The following RFX6 variants were observed in gnomAD, a reference collection of about 807,000 sequenced individuals.
The protein encoded by RFX6 is regulatory factor X6, also known as DNA-binding protein RFX6.
Under a neutral mutation model 110.8 loss-of-function variants are expected in RFX6, and 50 were observed. The observed-to-expected ratio is 0.45, with a 90% CI of 0.36 to 0.57. The LOEUF (loss-of-function observed/expected upper bound fraction) is 0.57. RFX6 is among the 20% of genes least tolerant of loss of function. RFX6 has a pLI of 0.00. For synonymous variants in RFX6, 383 were observed against 411.2 expected (o/e 0.93, Z 0.83); for missense variants, 990 against 1,127.0 (o/e 0.88, Z 1.74).
At chr6:116,906,587 A>G (rs1446001221) in intron 6 of RFX6, among the ~76,000 whole-genome samples, 1 of 151,950 alleles carries the variant, frequency 6.6e-6, no homozygotes. Context: ...CCTTGGTTAA[A>G]TTAGTTTTTA....
At chr6:116,915,814 T>A (rs987203465) in intron 7 of RFX6, among the ~76,000 whole-genome samples, 194 bp from the exon 8 acceptor site, 1 of 152,114 alleles carries the variant, frequency 6.6e-6, no homozygotes, top group Non-Finnish European at 1.5e-5. Context: ...AGTTGTCCAT[T>A]TGTTTGCTTT....
chr6:116,929,639 G>C (rs960981774), intron 18 of RFX6, among the ~76,000 whole-genome samples: 1 of 152,074 alleles, frequency 6.6e-6, no homozygotes, highest in South Asian at 2.1e-4. Flanking sequence ...TAATTAGTAT[G>C]TTATTAGTAA....
intron 7 of RFX6, among the ~76,000 whole-genome samples, chr6:116,912,369 A>T (rs1305037697): frequency 1.3e-5 from 2 of 151,964 alleles, no homozygotes; most frequent in Non-Finnish European, 2.9e-5. Context: ...ATATACCCTT[A>T]AAAAAAAGAA....
At chr6:116,904,442 T>C (rs953996362) in intron 6 of RFX6, among the ~76,000 whole-genome samples, 1 of 152,144 alleles carries the variant, frequency 6.6e-6, no homozygotes, top group Admixed American at 6.6e-5. Flanking sequence ...ATAAATTACT[T>C]TGAAAGCATA....
chr6:116,927,743 C>CTTTTTTTT (rs60638457), intron 17 of RFX6, among the ~76,000 whole-genome samples: 8 of 119,520 alleles, frequency 6.7e-5, no homozygotes, highest in East Asian at 2.4e-4. Flanking sequence ...GCCCTTCTTC[C>CTTTTTTTT]TTTTTTTTTT....
At chr6:116,920,927 T>A (rs1775581613) in intron 12 of RFX6, among the ~76,000 whole-genome samples, 1 of 152,188 alleles carries the variant, frequency 6.6e-6, no homozygotes, top group South Asian at 2.1e-4. Flanking sequence ...TGTTTTATAG[T>A]CTTGTCATCC....
intron 4 of RFX6, among the ~76,000 whole-genome samples, chr6:116,887,763 C>T (rs339329): frequency 0.88 from 134,359 of 152,244 alleles, 59,488 homozygotes; most frequent in South Asian, 0.97. Flanking sequence ...ACTTTCGCTA[C>T]TCATCTTAAT....
intron 17 of RFX6, among the ~76,000 whole-genome samples, chr6:116,927,765 G>A (rs541243508): frequency 2.2e-4 from 17 of 77,374 alleles, no homozygotes; most frequent in Admixed American, 4.1e-4. Context: ...TTTTTTTTGA[G>A]ACAAGGTCTT....
At chr6:116,910,892 T>C in intron 6 of RFX6, 43 bp from the exon 7 acceptor site, 1 of 1,229,602 alleles carries the variant, frequency 8.1e-7, no homozygotes, top group Non-Finnish European at 1.2e-6. Flanking sequence ...TGGAAGCATA[T>C]AGTTGATAAT....
At chr6:116,904,632 G>C (rs1486590340) in intron 6 of RFX6, among the ~76,000 whole-genome samples, 5 of 151,968 alleles carry the variant, frequency 3.3e-5, no homozygotes, top group Non-Finnish European at 7.4e-5. Flanking sequence ...CTTTCATCTT[G>C]CAAGACTGAA....
rs368566216 is a variant in RFX6 at position 116,893,990 on chromosome 6, T to C, written c.570T>C (p.Tyr190=). 4 of 1,581,076 alleles carry C rather than the reference T, an allele frequency of 2.5e-6. No homozygotes were observed. Among genetic ancestry groups the C allele is most frequent in the Non-Finnish European group, 3.5e-6 (4 of 1,150,104 alleles). The change falls in exon 5 of 19, where the codon TAT becomes TAC. Residue 190 remains tyrosine, a synonymous_variant. Transcript: ENST00000332958. ...RRLGTRGHSK[Y]HYYGIGIKES... ...CTGGTTCCTGTCTTTGCTCTAGGTA[T>C]CATTACTATGGGATTGGCATCAAAG...
chr6:116,889,884 T>C (rs888250038), intron 4 of RFX6, among the ~76,000 whole-genome samples: 7 of 152,168 alleles, frequency 4.6e-5, no homozygotes, highest in Admixed American at 2.0e-4. Flanking sequence ...TATTCATTCA[T>C]TTATCTAATA....
chr6:116,899,343 C>T (rs1416452420), intron 6 of RFX6, among the ~76,000 whole-genome samples: 2 of 151,858 alleles, frequency 1.3e-5, no homozygotes, highest in African/African-American at 4.8e-5. Flanking sequence ...GAATATGTTA[C>T]GAGCTTAATC....
chr6:116,882,157 C>T (rs1774603283), intron 3 of RFX6, among the ~76,000 whole-genome samples: 1 of 152,078 alleles, frequency 6.6e-6, no homozygotes, highest in East Asian at 1.9e-4. Context: ...AAGACAAGGT[C>T]AGTAGAGCAC....
chr6:116,920,363 T>C lies in RFX6; in HGVS notation c.1236T>C (p.Asp412=). The change falls in exon 12 of 19, where the codon GAT becomes GAC. Residue 412 remains aspartate, a synonymous_variant. Coordinates refer to ENST00000332958, the MANE Select transcript of RFX6 (RefSeq NM_173560.4). ...ATGTCGTTAATTCTATGGTGTCTGA[T>C]ATTGAAAGGGTTGATTTGAACAGCA... ...DQHVVNSMVS[D]IERVDLNSIG... is the part of the protein sequence containing the mutation. 1 of 1,611,832 alleles carries C rather than the reference T, an allele frequency of 6.2e-7. No homozygotes were observed. Among genetic ancestry groups the C allele is most frequent in the East Asian group, 2.2e-5 (1 of 44,872 alleles).
At chr6:116,915,983 T>TTAAGC (rs1775455098) in intron 7 of RFX6, 25 bp from the exon 8 acceptor site, 1 of 1,535,404 alleles carries the variant, frequency 6.5e-7, no homozygotes, top group African/African-American at 1.4e-5. Context: ...GATGCTTTGG[T>TTAAGC]TAAGCTTTTT....
chr6:116,907,415 A>C (rs1775229904), intron 6 of RFX6, among the ~76,000 whole-genome samples: 1 of 152,130 alleles, frequency 6.6e-6, no homozygotes, highest in Non-Finnish European at 1.5e-5. Context: ...ATTCCTTGGA[A>C]AACTTTGAGA....
At chr6:116,921,774 G>A (rs370598199) in intron 12 of RFX6, among the ~76,000 whole-genome samples, 2 of 151,620 alleles carry the variant, frequency 1.3e-5, no homozygotes. Flanking sequence ...AGTAAGCCAT[G>A]ATCACGTCAT....
intron 2 of RFX6, among the ~76,000 whole-genome samples, chr6:116,878,713 AAACT>A (rs1774522842): frequency 6.6e-6 from 1 of 151,954 alleles, no homozygotes; most frequent in Admixed American, 6.5e-5. Flanking sequence ...AGTAAAAAAC[AAACT>A]AATAAAAAGG....
Sources: gnomAD v4.1 joint callset for allele counts (sites outside exome capture counted in the v4.1 genomes callset) on GRCh38, gnomAD v4.1.1 for gene constraint, MANE v1.5 for transcripts, NCBI Gene and HGNC (gene_info 2026-07-23, HGNC 2026-07-21) for gene names.